The following PCDHGA3 variants were observed in gnomAD, a reference collection of about 807,000 sequenced individuals.
PCDHGA3 encodes the protein protocadherin gamma-A3.
A neutral mutation model predicts 58.5 loss-of-function variants in PCDHGA3; 40 were observed. That is an observed-to-expected ratio of 0.68 (90% CI 0.53 to 0.89). The LOEUF (loss-of-function observed/expected upper bound fraction) is 0.89, where lower values mean the gene tolerates loss of function less well. PCDHGA3 is among the 40% of genes least tolerant of loss of function. PCDHGA3 has a pLI of 0.00. For synonymous variants in PCDHGA3, 530 were observed against 525.7 expected (o/e 1.01, Z -0.11); for missense variants, 1,223 against 1,195.9 (o/e 1.02, Z -0.33).
At chr5:141,422,929 C>A (rs752323344) in intron 1 of PCDHGA3, 8 of 1,614,260 alleles carry the variant, frequency 5.0e-6, no homozygotes, top group Middle Eastern at 3.3e-4. Flanking sequence ...GTACCCTGCC[C>A]TCCCCACAGA....
chr5:141,410,852 T>A, intron 1 of PCDHGA3: 1 of 284,264 alleles, frequency 3.5e-6, no homozygotes. Context: ...TCTTTGTCTT[T>A]TTTTTTTTTT....
Position 141,436,345 on chromosome 5 carries a change from G to A in PCDHGA3, c.2425-58462G>A, listed in dbSNP as rs930858667. 5.9e-4 allele frequency among the ~76,000 whole-genome samples: 90 copies of A among 152,212 alleles called. 1 individual carries two copies. Among genetic ancestry groups the A allele is most frequent in the African/African-American group, 1.7e-3 (69 of 41,540 alleles). ...GTTAGACCATATCTCAAATATCAGT[G>A]ACTTCAATCAACTATGTTTCCAGTT... On this transcript the variant is annotated intron_variant, in intron 1 of 3. Coordinates refer to ENST00000253812, the MANE Select transcript of PCDHGA3 (RefSeq NM_018916.4).
Position 141,486,416 on chromosome 5 carries a change from C to G in PCDHGA3, c.2425-8391C>G. The G allele has an allele frequency of 4.3e-6, 7 of 1,614,152 alleles. No homozygotes were observed. The highest frequency in any genetic ancestry group is 5.9e-6 in the Non-Finnish European group (7 of 1,180,016). On this transcript the variant is annotated intron_variant, in intron 1 of 3. Coordinates refer to ENST00000253812, the MANE Select transcript of PCDHGA3 (RefSeq NM_018916.4). The surrounding 1 kb of genome is among the most constrained non-coding windows in gnomAD (Gnocchi z 5.0). Reference sequence around the variant, plus strand: ...CCTGGTGACTGCTGGACCCTTGGATCGAGAGGCCAAATCTAGCTATGACAT... The same window carrying G: ...CCTGGTGACTGCTGGACCCTTGGATGGAGAGGCCAAATCTAGCTATGACAT...
Position 141,485,267 on chromosome 5 carries a change from C to T in PCDHGA3, c.2425-9540C>T, listed in dbSNP as rs767229426. On this transcript the variant is annotated intron_variant, in intron 1 of 3. Transcript: ENST00000253812. This position sits in a 1 kb window ranked among gnomAD's most constrained non-coding sequence, Gnocchi z 5.7. ...CCTGGGTTACGTTTGTGGGCAGATC[C>T]GCTACCCGGTCCCAGAGGAGTCACA... is the stretch of plus-strand genomic sequence containing the variant. 6.2e-7 allele frequency: 1 copy of T among 1,614,088 alleles called. No homozygotes were observed. Among genetic ancestry groups the T allele is most frequent in the South Asian group, 1.1e-5 (1 of 91,082 alleles).
rs561053469 is a variant in PCDHGA3 at position 141,389,531 on chromosome 5, A to G, written c.2424+43074A>G. The G allele has an allele frequency of 5.0e-6, 8 of 1,613,210 alleles. No individual in the cohort carries two copies. In the East Asian group the frequency reaches 6.7e-5, roughly 13 times the overall value. On this transcript the variant is annotated intron_variant, in intron 1 of 3. Transcript: ENST00000253812. ...GCGCGAACGTGAGCCTGCGCGTGTT[A>G]GTGGACGACCGCAACGACAATGCGC...
rs1187424114 is a variant in PCDHGA3, at chr5:141,485,341, G to A, written c.2425-9466G>A. On this transcript the variant is annotated intron_variant, in intron 1 of 3. Transcript: ENST00000253812. The surrounding 1 kb of genome is among the most constrained non-coding windows in gnomAD (Gnocchi z 5.7). ...TCGCTCAAGATTTCCTGCTGGATAC[G>A]GACAGTCTGTCAGCTCGCAGGCTGC... 2 of 1,614,118 alleles carry A rather than the reference G, an allele frequency of 1.2e-6. No individual in the cohort carries two copies. The highest frequency in any genetic ancestry group is 1.7e-5 in the Admixed American group (1 of 60,018).
At chr5:141,457,524 G>A (rs1427291573) in intron 1 of PCDHGA3, among the ~76,000 whole-genome samples, 1 of 152,188 alleles carries the variant, frequency 6.6e-6, no homozygotes, top group African/African-American at 2.4e-5. Context: ...CAATTAATGA[G>A]ACTAGGGTTT....
At chr5:141,438,883 C>T (rs1026043786) in intron 1 of PCDHGA3, among the ~76,000 whole-genome samples, 4 of 151,728 alleles carry the variant, frequency 2.6e-5, no homozygotes, top group Non-Finnish European at 5.9e-5. Context: ...CCAGGCTGCT[C>T]TTGAACTCCT....
At chr5:141,393,388 C>G (rs775991086) in intron 1 of PCDHGA3, 7 of 1,613,992 alleles carry the variant, frequency 4.3e-6, no homozygotes, top group Non-Finnish European at 5.9e-6. Context: ...GCCATAAACC[C>G]AGAGCTGGTG....
chr5:141,479,631 A>G (rs191955216), intron 1 of PCDHGA3: 1 of 152,282 alleles, frequency 6.6e-6, no homozygotes, highest in Non-Finnish European at 1.5e-5. Context: ...TCTCTTTAAC[A>G]ATAACAACAA....
chr5:141,346,535 T>G (rs770453320), intron 1 of PCDHGA3, 78 bp downstream of exon 1: 12 of 1,565,668 alleles, frequency 7.7e-6, no homozygotes, highest in Non-Finnish European at 1.0e-5. Context: ...ACATATGTAT[T>G]TGAGAAATAA....
Position 141,485,992 on chromosome 5 carries a change from C to T in PCDHGA3, c.2425-8815C>T. The T allele has an allele frequency of 6.2e-7, 1 of 1,614,156 alleles. No individual in the cohort carries two copies. The highest frequency in any genetic ancestry group is 2.2e-5 in the East Asian group (1 of 44,870). On this transcript the variant is annotated intron_variant, in intron 1 of 3. Coordinates refer to ENST00000253812, the MANE Select transcript of PCDHGA3 (RefSeq NM_018916.4). The surrounding 1 kb of genome is among the most constrained non-coding windows in gnomAD (Gnocchi z 5.7). ...ATGCCTCAGACCCGGACCTGGGTCC[C>T]AGTGGTAACGTCACCTTTTATTTCA...
intron 1 of PCDHGA3, among the ~76,000 whole-genome samples, chr5:141,474,185 C>T (rs1481544975): frequency 1.3e-5 from 2 of 152,180 alleles, no homozygotes; most frequent in Non-Finnish European, 2.9e-5. Flanking sequence ...AAACTACTTA[C>T]ATTTTTAAAA....
chr5:141,441,692 G>A (rs1165171238), intron 1 of PCDHGA3: 2 of 301,376 alleles, frequency 6.6e-6, no homozygotes, highest in Non-Finnish European at 1.3e-5. Context: ...AAGAGCAGCC[G>A]CGAGCCTTCA....
intron 1 of PCDHGA3, among the ~76,000 whole-genome samples, chr5:141,461,391 G>A (rs1310387476): frequency 1.3e-5 from 2 of 152,058 alleles, no homozygotes; most frequent in East Asian, 1.9e-4. Context: ...GATGATTAGC[G>A]ATGTTGAGCA....
intron 1 of PCDHGA3, chr5:141,393,241 A>C (rs377394191): frequency 1.8e-4 from 292 of 1,613,684 alleles, no homozygotes; most frequent in Non-Finnish European, 2.3e-4. Context: ...GTAAAAATTA[A>C]CGAAATCGCG....
intron 1 of PCDHGA3, chr5:141,355,334 T>C (rs1759804410): frequency 6.2e-7 from 1 of 1,613,854 alleles, no homozygotes; most frequent in Non-Finnish European, 8.5e-7. Flanking sequence ...GGCTCAGTGG[T>C]GGGCAACATC....
chr5:141,360,161 G>A, intron 1 of PCDHGA3: 1 of 1,606,974 alleles, frequency 6.2e-7, no homozygotes, highest in Non-Finnish European at 8.5e-7. Flanking sequence ...GGGAGGTGCG[G>A]GCTGGTGCGG....
At chr5:141,361,278 A>C (rs776923636) in intron 1 of PCDHGA3, 5 of 1,614,014 alleles carry the variant, frequency 3.1e-6, no homozygotes, top group Non-Finnish European at 4.2e-6. Context: ...AAAATGGAGA[A>C]GTTTACTGCC....
Sources: gnomAD v4.1 joint callset for allele counts (sites outside exome capture counted in the v4.1 genomes callset) on GRCh38, gnomAD v4.1.1 for gene constraint, Gnocchi (gnomAD v3.1) non-coding constraint, MANE v1.5 for transcripts, NCBI Gene and HGNC (gene_info 2026-07-23, HGNC 2026-07-21) for gene names.